Variants in ADAMTS6 observed in about 807,000 individuals in gnomAD.
ADAMTS6 encodes the protein A disintegrin and metalloproteinase with thrombospondin motifs 6.
In ADAMTS6, 23 loss-of-function variants were observed where a neutral mutation model predicts 144.3. That is an observed-to-expected ratio of 0.16 (90% CI 0.11 to 0.23). ADAMTS6 has a LOEUF of 0.23. Among genes scored for constraint, ADAMTS6 ranks in the 10% least tolerant of loss-of-function variants. The probability of loss-of-function intolerance (pLI) is 1.00; values close to 1 mark genes in which losing one functional copy is unlikely to be tolerated. For missense variants in ADAMTS6, 999 were observed against 1,379.6 expected (o/e 0.72, Z 4.37); for synonymous variants, 444 against 457.5 (o/e 0.97, Z 0.38).
chr5:65,267,678 A>G (rs1216953894), intron 12 of ADAMTS6, among the ~76,000 whole-genome samples: 1 of 152,180 alleles, frequency 6.6e-6, no homozygotes, highest in Non-Finnish European at 1.5e-5. Context: ...CCATGAAGGA[A>G]AACTTCAAGA....
chr5:65,425,739 T>C (rs1446107202), intron 7 of ADAMTS6, among the ~76,000 whole-genome samples: 1 of 152,084 alleles, frequency 6.6e-6, no homozygotes, highest in Non-Finnish European at 1.5e-5. Flanking sequence ...AAGACAAATG[T>C]ATTGCATGAC....
intron 7 of ADAMTS6, among the ~76,000 whole-genome samples, chr5:65,383,655 G>A (rs1220285954): frequency 6.6e-6 from 1 of 152,106 alleles, no homozygotes; most frequent in African/African-American, 2.4e-5. Context: ...GCTCTCCCGG[G>A]CTGGAAATGC....
intron 12 of ADAMTS6, among the ~76,000 whole-genome samples, chr5:65,267,293 A>C (rs1282124613): frequency 1.5e-4 from 23 of 152,118 alleles, no homozygotes; most frequent in Admixed American, 1.5e-3. Flanking sequence ...TATTCTAAAT[A>C]ACAGTCATGT....
intron 21 of ADAMTS6, among the ~76,000 whole-genome samples, chr5:65,191,084 T>C (rs1462857201): frequency 6.6e-6 from 1 of 152,194 alleles, no homozygotes; most frequent in Non-Finnish European, 1.5e-5. Context: ...GGAATATAAA[T>C]TGCCGAATCG....
At chr5:65,456,284 C>T (rs756916963) in intron 4 of ADAMTS6, among the ~76,000 whole-genome samples, 1 of 152,100 alleles carries the variant, frequency 6.6e-6, no homozygotes, top group African/African-American at 2.4e-5. Flanking sequence ...ATACCTGTTA[C>T]ACATGCTTTG....
intron 7 of ADAMTS6, among the ~76,000 whole-genome samples, chr5:65,413,955 A>G (rs569133582): frequency 2.0e-5 from 3 of 152,298 alleles, no homozygotes; most frequent in South Asian, 2.1e-4. Context: ...GGCATATTGA[A>G]TATGTTAAAC....
Position 65,172,847 on chromosome 5 carries a change from T to C in ADAMTS6, c.3072A>G (p.Thr1024=), listed in dbSNP as rs755458554. The change falls in exon 23 of 25, where the codon ACA becomes ACG. Residue 1024 remains threonine (T), a synonymous_variant. Transcript: ENST00000381055. The stretch of plus-strand genomic sequence containing the variant: ...AACGCCTTACCTGGCCCCAGTCTCC[T>C]GTGACCCAGCGAGGAGGAGGGCAGC... ...LGRCPPPRWV[T]GDWGQCSAQC... 4 of 1,614,040 alleles carry C rather than the reference T, an allele frequency of 2.5e-6. No homozygotes were observed. In the African/African-American group the frequency reaches 4.0e-5, roughly 16 times the overall value.
intron 7 of ADAMTS6, among the ~76,000 whole-genome samples, chr5:65,410,507 T>C (rs897006554): frequency 1.3e-5 from 2 of 152,126 alleles, no homozygotes; most frequent in African/African-American, 4.8e-5. Context: ...ACCTCAAATA[T>C]TTATTTTCCT....
At chr5:65,402,694 C>G (rs188791473) in intron 7 of ADAMTS6, among the ~76,000 whole-genome samples, 1 of 97,112 alleles carries the variant, frequency 1.0e-5, no homozygotes, top group Non-Finnish European at 1.9e-5. Flanking sequence ...CCAAGGACAC[C>G]CCCCCCCATA....
chr5:65,254,272 C>G lies in ADAMTS6; in HGVS notation c.1830+6328G>C, dbSNP rs531930587. Among the ~76,000 whole-genome samples the G allele has an allele frequency of 2.0e-5, 3 of 151,990 alleles. No homozygotes were observed. In the South Asian group the frequency reaches 6.2e-4, roughly 32 times the overall value. On this transcript the variant is annotated intron_variant, in intron 14 of 24. Coordinates refer to ENST00000381055, the MANE Select transcript of ADAMTS6 (RefSeq NM_197941.4). ...GACGCTTCTGCTCTAATATGACACACGCATTCATGAAAAATCTCTTTCCGC... is the reference window on the plus strand; with the variant it reads ...GACGCTTCTGCTCTAATATGACACAGGCATTCATGAAAAATCTCTTTCCGC...
chr5:65,197,073 C>T lies in ADAMTS6; in HGVS notation c.2654G>A (p.Ser885Asn). 6.2e-7 allele frequency: 1 copy of T among 1,614,052 alleles called. No individual in the cohort carries two copies. Among genetic ancestry groups the T allele is most frequent in the Non-Finnish European group, 8.5e-7 (1 of 1,179,938 alleles). ...IVQNNYCDPD[S>N]KPPENQRACN... ...GGCTCTTTGATTTTCAGGTGGCTTA[C>T]TGTCAGGATCACAGTAATTGTTCTG... is the stretch of plus-strand genomic sequence containing the variant. Residue 885 changes from serine (S) to asparagine (N), a missense_variant, in exon 21 of 25, where the codon AGT becomes AAT. Transcript: ENST00000381055.
At chr5:65,460,389 T>G in intron 3 of ADAMTS6, 51 bp from the exon 4 acceptor site, 3 of 1,478,226 alleles carry the variant, frequency 2.0e-6, no homozygotes, top group South Asian at 2.7e-5. Context: ...TTTTAAATAT[T>G]AGTTATCATT....
intron 20 of ADAMTS6, among the ~76,000 whole-genome samples, chr5:65,213,659 A>C (rs923268503): frequency 1.3e-5 from 2 of 151,982 alleles, no homozygotes; most frequent in African/African-American, 4.8e-5. Context: ...AATAAGTAAT[A>C]AAATAAAATA....
rs1756849076 is a variant in ADAMTS6, at chr5:65,215,462, G to A, written c.2298C>T (p.Tyr766=). 2.5e-6 allele frequency: 4 copies of A among 1,607,550 alleles called. No homozygotes were observed. The Admixed American group carries it at 6.9e-5, about 28-fold the overall frequency. The change falls in exon 19 of 25, where the codon TAC becomes TAT. Residue 766 remains tyrosine, a synonymous_variant. Transcript: ENST00000381055. Reference sequence around the variant, plus strand: ...CAATAGTCCAGGCACCATTAATATAGTAATCATCTCCTTCAGATTTTAAAG... The same window carrying A: ...CAATAGTCCAGGCACCATTAATATAATAATCATCTCCTTCAGATTTTAAAG... ...YIALKSEGDD[Y]YINGAWTIDW... is the part of the protein sequence containing the mutation.
intron 7 of ADAMTS6, among the ~76,000 whole-genome samples, chr5:65,363,896 T>C (rs545195504): frequency 6.6e-6 from 1 of 152,332 alleles, no homozygotes; most frequent in South Asian, 2.1e-4. Context: ...AATGTTAATG[T>C]TGTGAAAAGC....
At chr5:65,451,011 A>T (rs2150248061) in intron 7 of ADAMTS6, among the ~76,000 whole-genome samples, 1 of 152,324 alleles carries the variant, frequency 6.6e-6, no homozygotes, top group African/African-American at 2.4e-5. Flanking sequence ...TTAAATAAAC[A>T]TTCAAGTAAG....
At chr5:65,323,638 T>C (rs557674316) in intron 9 of ADAMTS6, among the ~76,000 whole-genome samples, 2 of 152,276 alleles carry the variant, frequency 1.3e-5, no homozygotes, top group Non-Finnish European at 1.5e-5. Context: ...TACCCAGTAA[T>C]GGGATGGCTG....
At chr5:65,239,123 A>G (rs1224520414) in intron 15 of ADAMTS6, among the ~76,000 whole-genome samples, 5 of 152,024 alleles carry the variant, frequency 3.3e-5, no homozygotes, top group African/African-American at 1.2e-4. Flanking sequence ...GTTGTGGGGT[A>G]GGGGGAGGGG....
At chr5:65,225,101 A>G (rs1405433501) in intron 16 of ADAMTS6, 54 bp from the exon 17 acceptor site, 7 of 1,564,032 alleles carry the variant, frequency 4.5e-6, no homozygotes, top group Non-Finnish European at 6.1e-6. Context: ...TTGGAATCAT[A>G]ACTAATGAAA....
Sources: allele counts gnomAD v4.1 joint callset (sites outside exome capture counted in the v4.1 genomes callset), GRCh38; gene constraint gnomAD v4.1.1; transcripts MANE v1.5; gene names NCBI Gene and HGNC (gene_info 2026-07-23, HGNC 2026-07-21).